The following SCP2 variants were observed in gnomAD, a reference collection of about 807,000 sequenced individuals.
The protein encoded by SCP2 is sterol carrier protein 2.
A neutral mutation model predicts 71.4 loss-of-function variants in SCP2; 48 were observed. That is an observed-to-expected ratio of 0.67 (90% CI 0.53 to 0.86). The LOEUF is 0.86. SCP2 is among the 40% of genes least tolerant of loss of function. SCP2 has a pLI of 0.00. For synonymous variants in SCP2, 220 were observed against 218.1 expected, an observed-to-expected ratio of 1.01 and a Z score of -0.08; for missense variants, 560 against 655.6, an observed-to-expected ratio of 0.85 and a Z score of 1.59.
intron 5 of SCP2, among the ~76,000 whole-genome samples, chr1:52,959,068 G>C (rs1356886230): frequency 6.6e-6 from 1 of 152,144 alleles, no homozygotes; most frequent in Admixed American, 6.5e-5. Flanking sequence ...GAATAGCTGA[G>C]AAGTGTTCTC....
At chr1:52,950,550 TAAAG>T (rs1416264424) in intron 3 of SCP2, among the ~76,000 whole-genome samples, 1 of 152,220 alleles carries the variant, frequency 6.6e-6, no homozygotes, top group East Asian at 1.9e-4. Flanking sequence ...CTGTATTATA[TAAAG>T]AAAGTGCACA....
intron 9 of SCP2, 41 bp from the exon 10 acceptor site, chr1:52,980,355 C>A: frequency 1.9e-6 from 3 of 1,591,190 alleles, no homozygotes; most frequent in South Asian, 1.1e-5. Flanking sequence ...TTAAAAGGCC[C>A]AGTTTTGGTG....
At chr1:53,043,028 C>T (rs1266952489) in intron 14 of SCP2, among the ~76,000 whole-genome samples, 1 of 152,116 alleles carries the variant, frequency 6.6e-6, no homozygotes, top group Non-Finnish European at 1.5e-5. Flanking sequence ...TTATTCTGAC[C>T]CTTCAGCACC....
chr1:52,971,274 C>T (rs1292940101), intron 6 of SCP2, among the ~76,000 whole-genome samples: 1 of 152,082 alleles, frequency 6.6e-6, no homozygotes, highest in Non-Finnish European at 1.5e-5. Flanking sequence ...CCGCTCCCGG[C>T]CGAGAGACAC....
At chr1:53,017,604 C>T (rs1041909780) in intron 12 of SCP2, among the ~76,000 whole-genome samples, 1 of 152,128 alleles carries the variant, frequency 6.6e-6, no homozygotes, top group African/African-American at 2.4e-5. Flanking sequence ...TTGGTTGAGG[C>T]ATATTTGGAT....
chr1:52,993,213 G>A, intron 11 of SCP2: 1 of 1,614,122 alleles, frequency 6.2e-7, no homozygotes, highest in Non-Finnish European at 8.5e-7. Flanking sequence ...ATGACACAAT[G>A]GCAGCCTTTC....
chr1:52,996,910 G>A (rs1659974778), intron 11 of SCP2, among the ~76,000 whole-genome samples: 1 of 152,078 alleles, frequency 6.6e-6, no homozygotes, highest in Non-Finnish European at 1.5e-5. Context: ...TTTTGCTGTT[G>A]CTTTTTTCCC....
chr1:52,975,496 G>T (rs1388032393), intron 7 of SCP2, among the ~76,000 whole-genome samples: 1 of 151,710 alleles, frequency 6.6e-6, no homozygotes, highest in Non-Finnish European at 1.5e-5. Context: ...TAGTTGAGAC[G>T]AGCTTTTGCC....
chr1:52,976,681 A>AG lies in SCP2; in HGVS notation c.588dup, dbSNP rs772506944. On this transcript the variant is annotated splice_acceptor_variant, in intron 7 of 15. Coordinates refer to ENST00000371514, the MANE Select transcript of SCP2 (RefSeq NM_002979.5). LOFTEE classifies it high-confidence loss of function. Reference sequence around the variant, plus strand: ...TGTAACTAATATTTATTTTGTATTTAGGTATTCCCAGTTCCAAGATGAATA... The same window carrying AG: ...TGTAACTAATATTTATTTTGTATTTAGGGTATTCCCAGTTCCAAGATGAATA... 12 of 1,474,292 alleles carry AG rather than the reference A, an allele frequency of 8.1e-6. No homozygotes were observed. Among genetic ancestry groups the AG allele is most frequent in the African/African-American group, 5.6e-5 (4 of 71,630 alleles). The allele number at this position is 1,474,292 out of a possible 1,614,324, so 91.3% of individuals were successfully genotyped here.
chr1:52,967,055 T>C (rs111445656), intron 6 of SCP2, among the ~76,000 whole-genome samples: 10,121 of 151,970 alleles, frequency 0.067, 583 homozygotes, highest in East Asian at 0.21. Context: ...TCAGGCATGG[T>C]GGCAGGCGCC....
chr1:52,959,415 G>A (rs1249295088), intron 5 of SCP2, among the ~76,000 whole-genome samples: 1 of 151,714 alleles, frequency 6.6e-6, no homozygotes, highest in Non-Finnish European at 1.5e-5. Flanking sequence ...GGCTGGTCTT[G>A]AACTCCCGAC....
At chr1:53,006,665 C>G (rs1374508197) in intron 11 of SCP2, among the ~76,000 whole-genome samples, 1 of 152,192 alleles carries the variant, frequency 6.6e-6, no homozygotes, top group Non-Finnish European at 1.5e-5. Flanking sequence ...GTACCAGCCA[C>G]TGAAAAAACA....
chr1:52,980,506 A>T lies in SCP2; in HGVS notation c.936A>T (p.Glu312Asp). 6.2e-7 allele frequency: 1 copy of T among 1,614,000 alleles called. No individual in the cohort carries two copies. The highest frequency in any genetic ancestry group is 8.5e-7 in the Non-Finnish European group (1 of 1,179,902). Residue 312 changes from glutamate (E) to aspartate (D), a missense_variant, in exon 10 of 16, where the codon GAA becomes GAT. Transcript: ENST00000371514. The part of the protein sequence containing the change: ...IELHDCFSTN[E>D]LLTYEALGLC... The stretch of plus-strand genomic sequence containing the variant: ...TTCACGATTGCTTTTCTACCAACGA[A>T]CTCCTTACTTATGAAGCACTGGGAC...
chr1:52,941,686 G>T (rs765125100), intron 1 of SCP2, 110 bp from the exon 2 acceptor site: 1 of 644,198 alleles, frequency 1.6e-6, no homozygotes, highest in Non-Finnish European at 2.8e-6. Context: ...AGTGAGCCGA[G>T]ATCATGCCAC....
intron 5 of SCP2, among the ~76,000 whole-genome samples, chr1:52,957,182 A>G (rs575582400): frequency 3.5e-4 from 54 of 152,266 alleles, no homozygotes; most frequent in African/African-American, 1.3e-3. Context: ...TGCTGGGATT[A>G]CAGGCGTGAG....
At chr1:52,962,043 A>G (rs1167768193) in intron 6 of SCP2, among the ~76,000 whole-genome samples, 1 of 152,130 alleles carries the variant, frequency 6.6e-6, no homozygotes, top group South Asian at 2.1e-4. Context: ...CTGGGACTAC[A>G]GATGTGCACC....
At chr1:53,013,124 T>C (rs1029330038) in intron 11 of SCP2, among the ~76,000 whole-genome samples, 1 of 147,584 alleles carries the variant, frequency 6.8e-6, no homozygotes, top group African/African-American at 2.5e-5. Context: ...TTTTTTTTTT[T>C]TTTTTGAGAC....
At chr1:52,941,100 T>A (rs1012596389) in intron 1 of SCP2, among the ~76,000 whole-genome samples, 33 of 152,340 alleles carry the variant, frequency 2.2e-4, no homozygotes, top group African/African-American at 7.9e-4. Flanking sequence ...CCAAATTATT[T>A]ACAGTTCTTC....
At chr1:52,983,811 T>C (rs757086738) in intron 10 of SCP2, among the ~76,000 whole-genome samples, 1 of 152,246 alleles carries the variant, frequency 6.6e-6, no homozygotes, top group Non-Finnish European at 1.5e-5. Context: ...CTGTTGATTG[T>C]CTTTTACCTT....
Sources: gnomAD v4.1 joint callset for allele counts (sites outside exome capture counted in the v4.1 genomes callset) on GRCh38, gnomAD v4.1.1 for gene constraint, MANE v1.5 for transcripts, NCBI Gene and HGNC (gene_info 2026-07-23, HGNC 2026-07-21) for gene names.